The following CHST9 variants were observed in gnomAD, a reference collection of about 807,000 sequenced individuals.
CHST9 encodes GalNAc-4-sulfotransferase 2.
A neutral mutation model predicts 44.4 loss-of-function variants in CHST9; 41 were observed. The ratio of observed to expected loss-of-function variants is 0.92; its 90% CI spans 0.72 to 1.20. The LOEUF is 1.20. Among genes scored for constraint, CHST9 ranks in the 50% most tolerant of loss-of-function variants. The pLI is 0.00. For synonymous variants in CHST9, 171 were observed against 178.4 expected (o/e 0.96, Z 0.33); for missense variants, 504 against 516.5 (o/e 0.98, Z 0.23).
At chr18:27,046,896 A>G (rs2057507846) in intron 3 of CHST9, among the ~76,000 whole-genome samples, 1 of 152,036 alleles carries the variant, frequency 6.6e-6, no homozygotes, top group African/African-American at 2.4e-5. Flanking sequence ...TAAAAATTCC[A>G]CTAGTAAAGG....
intron 2 of CHST9, among the ~76,000 whole-genome samples, chr18:27,107,176 T>C (rs934166943): frequency 6.6e-6 from 1 of 152,220 alleles, no homozygotes; most frequent in East Asian, 1.9e-4. Flanking sequence ...TGACTATACG[T>C]CAAATTGTTA....
chr18:27,079,163 A>G (rs2057936911), intron 2 of CHST9, among the ~76,000 whole-genome samples: 1 of 152,188 alleles, frequency 6.6e-6, no homozygotes, highest in South Asian at 2.1e-4. Context: ...GTCCACCAAT[A>G]TTTACTAAAA....
chr18:27,140,524 C>G (rs1208701713), intron 2 of CHST9, among the ~76,000 whole-genome samples: 1 of 152,174 alleles, frequency 6.6e-6, no homozygotes, highest in Non-Finnish European at 1.5e-5. Context: ...AATATATTTT[C>G]CCTTAAGTAT....
At chr18:26,969,368 C>CTGTGTGTGTGTGTGTGTG (rs1435153900) in intron 4 of CHST9, among the ~76,000 whole-genome samples, 75 of 94,104 alleles carry the variant, frequency 8.0e-4, no homozygotes, top group African/African-American at 2.8e-3. Context: ...GATTCTCTCT[C>CTGTGTGTGTGTGTGTGTG]TCTCTCTCTG....
chr18:26,951,626 C>T (rs1191252621), intron 4 of CHST9, among the ~76,000 whole-genome samples: 1 of 152,082 alleles, frequency 6.6e-6, no homozygotes, highest in Non-Finnish European at 1.5e-5. Context: ...AGGAACTTTA[C>T]TCTCTCAAAC....
chr18:26,940,373 G>C (rs151252), intron 5 of CHST9, among the ~76,000 whole-genome samples: 69,164 of 152,010 alleles, frequency 0.45, 16,185 homozygotes, highest in African/African-American at 0.52. Context: ...TAGGATTGGA[G>C]ATGGGGTCTC....
In CHST9 at chr18:26,912,070, T is replaced by C. The variant is rs1022751312; in HGVS notation, c.*4189A>G. On this transcript the variant is annotated 3_prime_UTR_variant, in exon 6 of 6. Coordinates refer to ENST00000618847, the MANE Select transcript of CHST9 (RefSeq NM_031422.6). ...GAACCGTGACCATCTGCAGTGGCTG[T>C]CAGGGGCCTATGTGTGGAAAGTTCG... The C allele has an allele frequency of 6.6e-6, 1 of 152,192 alleles. No homozygotes were observed. Among genetic ancestry groups the C allele is most frequent in the African/African-American group, 2.4e-5 (1 of 41,458 alleles). The allele number at this position is 152,192 out of a possible 1,614,324, so 9.4% of individuals were successfully genotyped here.
chr18:27,003,533 T>A (rs772300834), intron 4 of CHST9, among the ~76,000 whole-genome samples: 2 of 152,136 alleles, frequency 1.3e-5, no homozygotes, highest in African/African-American at 4.8e-5. Context: ...ATAGGGTGTA[T>A]AATATAGAAA....
At chr18:27,026,016 G>A (rs530468795) in intron 3 of CHST9, among the ~76,000 whole-genome samples, 25 of 152,132 alleles carry the variant, frequency 1.6e-4, no homozygotes, top group Non-Finnish European at 2.4e-4. Flanking sequence ...CTTATTGATT[G>A]TATGAGAGAT....
intron 1 of CHST9, among the ~76,000 whole-genome samples, chr18:27,149,658 C>T (rs565862488): frequency 1.3e-5 from 2 of 149,832 alleles, no homozygotes; most frequent in South Asian, 4.2e-4. Flanking sequence ...AATGTTGAGG[C>T]CTTTCAATAT....
intron 1 of CHST9, among the ~76,000 whole-genome samples, chr18:27,144,341 A>T (rs1409711025): frequency 6.6e-6 from 1 of 152,106 alleles, no homozygotes; most frequent in East Asian, 1.9e-4. Context: ...GCTGTGGGAA[A>T]TTGCTTGTCT....
chr18:27,000,127 C>T (rs1227876255), intron 4 of CHST9, among the ~76,000 whole-genome samples: 4 of 152,206 alleles, frequency 2.6e-5, no homozygotes, highest in African/African-American at 4.8e-5. Flanking sequence ...ATATCTCCAA[C>T]TACCTCTTAC....
At chr18:27,064,852 G>A (rs1044607761) in intron 2 of CHST9, among the ~76,000 whole-genome samples, 1 of 152,204 alleles carries the variant, frequency 6.6e-6, no homozygotes, top group African/African-American at 2.4e-5. Context: ...CAGGGCAGGA[G>A]AGGAAGAGGC....
chr18:26,964,555 G>C (rs768575847), intron 4 of CHST9, among the ~76,000 whole-genome samples: 1 of 152,374 alleles, frequency 6.6e-6, no homozygotes, highest in Non-Finnish European at 1.5e-5. Flanking sequence ...TCAGGCAGCA[G>C]ACTGTGGGCC....
rs970130092 is a variant in CHST9 at position 27,113,081 on chromosome 18, C to T, written c.121+29608G>A. ...GTGGGCACCTGTAGTCCCAGCTACT[C>T]GGGAGGCTGAGGCAGGAGAATGGCA... On this transcript the variant is annotated intron_variant, in intron 2 of 5. Coordinates refer to ENST00000618847, the MANE Select transcript of CHST9 (RefSeq NM_031422.6). Among the ~76,000 whole-genome samples the T allele has an allele frequency of 4.6e-5, 7 of 151,392 alleles. No individual in the cohort carries two copies. The East Asian group carries it at 5.9e-4, about 13-fold the overall frequency.
At chr18:26,984,963 A>C (rs2145197602) in intron 4 of CHST9, among the ~76,000 whole-genome samples, 1 of 152,286 alleles carries the variant, frequency 6.6e-6, no homozygotes, top group African/African-American at 2.4e-5. Context: ...AAAGCAAAGC[A>C]TATGCCTGTC....
At chr18:27,043,532 C>T (rs967548103) in intron 3 of CHST9, among the ~76,000 whole-genome samples, 1 of 152,040 alleles carries the variant, frequency 6.6e-6, no homozygotes, top group African/African-American at 2.4e-5. Flanking sequence ...CCTTCCATAT[C>T]CAACCAGGTC....
chr18:26,963,542 G>A lies in CHST9; in HGVS notation c.203-19176C>T, dbSNP rs9957187. Among the ~76,000 whole-genome samples the A allele has an allele frequency of 1.4e-3, 205 of 150,092 alleles. 1 individual carries two copies. Among genetic ancestry groups the A allele is most frequent in the African/African-American group, 4.7e-3 (189 of 40,588 alleles). On this transcript the variant is annotated intron_variant, in intron 4 of 5. Transcript: ENST00000618847. ...ACAGAGCCCTAGGGTGCTGGGCAGC[G>A]CAGATTCCAGCTTCTGTTTTTAAGG...
chr18:27,086,664 A>G (rs2058015092), intron 2 of CHST9, among the ~76,000 whole-genome samples: 1 of 152,230 alleles, frequency 6.6e-6, no homozygotes, highest in African/African-American at 2.4e-5. Flanking sequence ...ATATGAAACT[A>G]AAACACAATC....
Sources: allele counts gnomAD v4.1 joint callset (sites outside exome capture counted in the v4.1 genomes callset), GRCh38; gene constraint gnomAD v4.1.1; transcripts MANE v1.5; gene names NCBI Gene and HGNC (gene_info 2026-07-23, HGNC 2026-07-21).